The following TULP4 variants were observed in gnomAD, a reference collection of about 807,000 sequenced individuals.
TULP4 encodes TUB like protein 4.
Under a neutral mutation model 129.0 loss-of-function variants are expected in TULP4, and 16 were observed. The ratio of observed to expected loss-of-function variants is 0.12; its 90% CI spans 0.08 to 0.19. The LOEUF is 0.19. Among genes scored for constraint, TULP4 ranks in the 10% least tolerant of loss-of-function variants. The probability of loss-of-function intolerance (pLI) is 1.00; values close to 1 mark genes in which losing one functional copy is unlikely to be tolerated. For missense variants in TULP4, 1,842 were observed against 2,059.1 expected, an observed-to-expected ratio of 0.89 and a Z score of 2.04; for synonymous variants, 998 against 854.0, an observed-to-expected ratio of 1.17 and a Z score of -2.94.
chr6:158,280,298 T>A (rs1778726057), upstream of TULP4, among the ~76,000 whole-genome samples: 1 of 152,238 alleles, frequency 6.6e-6, no homozygotes, highest in African/African-American at 2.4e-5. Flanking sequence ...TGCCATTTTA[T>A]CTTTTTTTAA....
intron 1 of TULP4, among the ~76,000 whole-genome samples, chr6:158,283,483 A>G (rs1187343720): frequency 6.6e-6 from 1 of 152,190 alleles, no homozygotes; most frequent in African/African-American, 2.4e-5. Flanking sequence ...CAGGCAGAGC[A>G]CAGCGTCCCC....
chr6:158,376,494 G>A lies in TULP4; in HGVS notation c.253-36571G>A, dbSNP rs149460715. 4.9e-4 allele frequency among the ~76,000 whole-genome samples: 75 copies of A among 152,272 alleles called. No homozygotes were observed. In the East Asian group the frequency reaches 8.9e-3, roughly 18 times the overall value. Reference sequence around the variant, plus strand: ...GAGGAAGGAGCACCACCTCTTCTACGTCACCCTGAAAGTCACACAACATCT... The same window carrying A: ...GAGGAAGGAGCACCACCTCTTCTACATCACCCTGAAAGTCACACAACATCT... On this transcript the variant is annotated intron_variant, in intron 1 of 13. Transcript: ENST00000367097.
At position 158,481,162 on chromosome 6, in the gene TULP4, G is replaced by A; in HGVS notation, c.1359G>A (p.Val453=). Residue 453 remains valine (V), a synonymous_variant, in exon 8 of 14, where the codon GTG becomes GTA. Coordinates refer to ENST00000367097, the MANE Select transcript of TULP4 (RefSeq NM_020245.5). ...TMKRTEDDPE[V]GGPCYTLYLE... ...AGCGCACAGAGGACGACCCGGAGGT[G>A]GGCGGCCCGTGCTACACGCTCTACC... 1 of 1,614,214 alleles carries A rather than the reference G, an allele frequency of 6.2e-7. No individual in the cohort carries two copies.
intron 5 of TULP4, among the ~76,000 whole-genome samples, chr6:158,460,473 A>C (rs1779398722): frequency 6.6e-6 from 1 of 152,178 alleles, no homozygotes; most frequent in South Asian, 2.1e-4. Context: ...AAATGTCATA[A>C]ATCTTATTAA....
At chr6:158,461,795 A>C in intron 6 of TULP4, 66 bp downstream of exon 6, 3 of 1,499,658 alleles carry the variant, frequency 2.0e-6, no homozygotes, top group Non-Finnish European at 2.7e-6. Context: ...TATTATAATT[A>C]TTGTTGACAA....
intron 4 of TULP4, among the ~76,000 whole-genome samples, chr6:158,450,667 T>C (rs769148116): frequency 3.0e-4 from 45 of 151,834 alleles, no homozygotes; most frequent in Non-Finnish European, 5.9e-5. Context: ...GTAAAGTCAG[T>C]GTCTTCATCA....
intron 1 of TULP4, among the ~76,000 whole-genome samples, chr6:158,292,391 C>A (rs1421137852): frequency 2.6e-5 from 4 of 152,158 alleles, no homozygotes; most frequent in Admixed American, 2.0e-4. Flanking sequence ...GCTCTTGTGT[C>A]CCCTGTCAGA....
At chr6:158,500,280 T>C (rs1272536783) in intron 12 of TULP4, among the ~76,000 whole-genome samples, 1 of 152,186 alleles carries the variant, frequency 6.6e-6, no homozygotes, top group Non-Finnish European at 1.5e-5. Context: ...CAGTGTTTCA[T>C]ACAGACGAGA....
chr6:158,308,999 C>T (rs1779280042), upstream of TULP4, among the ~76,000 whole-genome samples: 1 of 147,982 alleles, frequency 6.8e-6, no homozygotes. Context: ...CCCCCACCTC[C>T]CTCCCGGACA....
chr6:158,276,119 G>A (rs746020883), intron 1 of TULP4, among the ~76,000 whole-genome samples: 9 of 151,716 alleles, frequency 5.9e-5, no homozygotes, highest in Non-Finnish European at 1.2e-4. Flanking sequence ...ACAGGTGCGC[G>A]CCACCATGCC....
chr6:158,315,181 A>G (rs1436236036), intron 1 of TULP4, among the ~76,000 whole-genome samples: 1 of 152,226 alleles, frequency 6.6e-6, no homozygotes. Context: ...CATTTGTGCT[A>G]CTATAACAAA....
intron 1 of TULP4, among the ~76,000 whole-genome samples, chr6:158,406,467 C>CT (rs1397065677): frequency 6.6e-6 from 1 of 152,142 alleles, no homozygotes; most frequent in Non-Finnish European, 1.5e-5. Flanking sequence ...ATTGAACATA[C>CT]TTTCCAGTAG....
At chr6:158,277,637 G>A (rs1778670631), upstream of TULP4, among the ~76,000 whole-genome samples, 1 of 152,130 alleles carries the variant, frequency 6.6e-6, no homozygotes, top group Non-Finnish European at 1.5e-5. Context: ...GCTCGTGTAG[G>A]TAGTTGTCTT....
At chr6:158,451,651 C>T (rs911785513) in intron 4 of TULP4, among the ~76,000 whole-genome samples, 1 of 152,190 alleles carries the variant, frequency 6.6e-6, no homozygotes, top group Non-Finnish European at 1.5e-5. Flanking sequence ...GGGCTGGCCT[C>T]TGTGGCTGCT....
intron 1 of TULP4, among the ~76,000 whole-genome samples, chr6:158,342,073 C>G (rs1780194297): frequency 6.6e-6 from 1 of 152,194 alleles, no homozygotes; most frequent in South Asian, 2.1e-4. Flanking sequence ...GATGTGCCAC[C>G]ACACCTACTA....
chr6:158,388,316 G>GTTTTTTTTTTTTTTTTTTTTTTTTTT (rs1377926300), intron 1 of TULP4, among the ~76,000 whole-genome samples: 1 of 92,820 alleles, frequency 1.1e-5, no homozygotes, highest in Non-Finnish European at 2.1e-5. Context: ...TAATCTGCTC[G>GTTTTTTTTTTTTTTTTTTTTTTTTTT]TTTTTCTTTT....
At chr6:158,388,421 C>G (rs1209319076) in intron 1 of TULP4, among the ~76,000 whole-genome samples, 1 of 146,430 alleles carries the variant, frequency 6.8e-6, no homozygotes, top group Non-Finnish European at 1.5e-5. Context: ...GCTCCACCTC[C>G]CGGGTTCACA....
At chr6:158,287,725 T>C (rs1778856385) in intron 1 of TULP4, among the ~76,000 whole-genome samples, 1 of 152,188 alleles carries the variant, frequency 6.6e-6, no homozygotes, top group African/African-American at 2.4e-5. Context: ...GGATGAGCAT[T>C]GTACTTGGAT....
chr6:158,270,110 T>C (rs1271314544), intron 1 of TULP4, among the ~76,000 whole-genome samples: 1 of 152,386 alleles, frequency 6.6e-6, no homozygotes, highest in East Asian at 1.9e-4. Context: ...CCCTTTCCTA[T>C]CCAGGCAGTA....
Sources: gnomAD v4.1 joint callset for allele counts (sites outside exome capture counted in the v4.1 genomes callset) on GRCh38, gnomAD v4.1.1 for gene constraint, MANE v1.5 for transcripts, NCBI Gene and HGNC (gene_info 2026-07-23, HGNC 2026-07-21) for gene names.